The following CSNK1G1 variants were observed in gnomAD, a reference collection of about 807,000 sequenced individuals.
The protein encoded by CSNK1G1 is casein kinase I isoform gamma-1.
Under a neutral mutation model 59.6 loss-of-function variants are expected in CSNK1G1, and 22 were observed. The ratio of observed to expected loss-of-function variants is 0.37; its 90% confidence interval spans 0.26 to 0.53. The LOEUF (loss-of-function observed/expected upper bound fraction) is 0.53. CSNK1G1 is among the 20% of genes least tolerant of loss of function. The pLI, the probability that CSNK1G1 is intolerant of heterozygous loss-of-function variation, is 0.89. For missense variants in CSNK1G1, 384 were observed against 519.5 expected (o/e 0.74, Z 2.54); for synonymous variants, 179 against 177.1 (o/e 1.01, Z -0.08).
intron 4 of CSNK1G1, among the ~76,000 whole-genome samples, chr15:64,233,181 G>A (rs1233172561): frequency 6.6e-6 from 1 of 152,164 alleles, no homozygotes; most frequent in Non-Finnish European, 1.5e-5. Flanking sequence ...TTTGCAAAAT[G>A]ATGCGCTGAA....
chr15:64,219,102 G>A (rs988127905), intron 4 of CSNK1G1, among the ~76,000 whole-genome samples: 13 of 151,680 alleles, frequency 8.6e-5, no homozygotes, highest in African/African-American at 1.2e-4. Context: ...TGATCCGCCC[G>A]CCTCAGCCTC....
intron 4 of CSNK1G1, among the ~76,000 whole-genome samples, chr15:64,226,862 T>C (rs1192570736): frequency 1.3e-5 from 2 of 152,084 alleles, no homozygotes; most frequent in East Asian, 1.9e-4. Flanking sequence ...CTAGAAGGAA[T>C]GAAAAGGAAA....
chr15:64,339,665 C>T (rs751757352), intron 1 of CSNK1G1, among the ~76,000 whole-genome samples: 14 of 152,148 alleles, frequency 9.2e-5, no homozygotes, highest in South Asian at 4.1e-4. Flanking sequence ...ATTTTAGAAC[C>T]ACTAGTGTCT....
At chr15:64,189,444 T>C in intron 10 of CSNK1G1, 1 of 1,292,022 alleles carries the variant, frequency 7.7e-7, no homozygotes, top group South Asian at 1.3e-5. Flanking sequence ...GCTGAGTTGT[T>C]AACATCATAA....
intron 10 of CSNK1G1, among the ~76,000 whole-genome samples, chr15:64,180,941 G>A (rs551769433): frequency 4.2e-4 from 64 of 152,340 alleles, no homozygotes; most frequent in African/African-American, 1.5e-3. Context: ...TGTGATGGGT[G>A]AAGTCTAGTT....
intron 10 of CSNK1G1, chr15:64,189,351 C>T (rs1308314719): frequency 8.3e-7 from 1 of 1,206,042 alleles, no homozygotes; most frequent in African/African-American, 1.6e-5. Flanking sequence ...CTGCTTTTTA[C>T]ATCTGCTACT....
intron 6 of CSNK1G1, among the ~76,000 whole-genome samples, chr15:64,207,861 T>C (rs1027312885): frequency 6.6e-6 from 1 of 150,604 alleles, no homozygotes; most frequent in African/African-American, 2.5e-5. Context: ...AAACAGTGAA[T>C]TTCCACCCCT....
intron 2 of CSNK1G1, among the ~76,000 whole-genome samples, chr15:64,270,010 C>T (rs559623607): frequency 6.6e-6 from 1 of 151,710 alleles, no homozygotes; most frequent in East Asian, 1.9e-4. Flanking sequence ...TTTCGCCATA[C>T]TGGCCAGGCT....
chr15:64,208,431 T>C (rs1394964762), intron 6 of CSNK1G1, among the ~76,000 whole-genome samples: 1 of 152,224 alleles, frequency 6.6e-6, no homozygotes, highest in Non-Finnish European at 1.5e-5. Context: ...AAGGTGAAGA[T>C]GACAAAGAAC....
At chr15:64,307,244 T>G (rs1228890898) in intron 1 of CSNK1G1, among the ~76,000 whole-genome samples, 35 of 151,900 alleles carry the variant, frequency 2.3e-4, no homozygotes, top group Admixed American at 2.3e-3. Flanking sequence ...TGGAGGAGTG[T>G]TGGGGGATAT....
At chr15:64,187,952 C>G (rs2081920381) in intron 10 of CSNK1G1, among the ~76,000 whole-genome samples, 1 of 152,208 alleles carries the variant, frequency 6.6e-6, no homozygotes, top group African/African-American at 2.4e-5. Context: ...TACAAATTAA[C>G]ATTCTCAGCT....
intron 2 of CSNK1G1, among the ~76,000 whole-genome samples, chr15:64,299,318 G>A (rs1207464759): frequency 1.3e-5 from 2 of 152,096 alleles, no homozygotes; most frequent in African/African-American, 4.8e-5. Flanking sequence ...GCCGGGCGCG[G>A]TGGCTCACGC....
intron 1 of CSNK1G1, among the ~76,000 whole-genome samples, chr15:64,332,676 A>T (rs578246266): frequency 1.0e-4 from 15 of 144,222 alleles, no homozygotes; most frequent in South Asian, 4.4e-4. Context: ...AAGTATAATT[A>T]AAAATAAAAT....
chr15:64,216,419 C>T lies in CSNK1G1; in HGVS notation c.444+143G>A, dbSNP rs1227006045. The T allele has an allele frequency of 3.8e-6, 3 of 780,384 alleles. No homozygotes were observed. In the Admixed American group the frequency reaches 8.5e-5, roughly 22 times the overall value. The allele number at this position is 780,384 out of a possible 1,614,324, so 48.3% of individuals were successfully genotyped here. A position where few individuals can be genotyped will look rare whatever the true frequency, so the allele number is the denominator to read the frequency against. ...ACTTCTCTGAATTTACCCTTTTTGC[C>T]CCAGCCAGCTTCCCAGAATGCCATC... On this transcript the variant is annotated intron_variant, in intron 5 of 11. Transcript: ENST00000303052. The surrounding 1 kb of genome is among the most constrained non-coding windows in gnomAD (Gnocchi z 4.6).
At position 64,216,805 on chromosome 15, in the gene CSNK1G1, A is replaced by G; in HGVS notation, c.293-92T>C. ...ATTAGCACTGAATAAAATATTTTTA[A>G]AAGTACAATTTGTGAGATTTCCATT... On this transcript the variant is annotated intron_variant, in intron 4 of 11. Coordinates refer to ENST00000303052, the MANE Select transcript of CSNK1G1 (RefSeq NM_022048.5). The surrounding 1 kb of genome is among the most constrained non-coding windows in gnomAD (Gnocchi z 4.6). 2 of 1,198,982 alleles carry G rather than the reference A, an allele frequency of 1.7e-6. No homozygotes were observed. Among genetic ancestry groups the G allele is most frequent in the Admixed American group, 2.6e-5 (1 of 38,760 alleles). 74.3% of individuals were successfully genotyped at this position (1,198,982 alleles called of 1,614,324 possible). A position where few individuals can be genotyped will look rare whatever the true frequency, so the allele number is the denominator to read the frequency against.
intron 2 of CSNK1G1, among the ~76,000 whole-genome samples, chr15:64,291,491 G>A (rs1208574522): frequency 6.6e-6 from 1 of 152,182 alleles, no homozygotes; most frequent in Non-Finnish European, 1.5e-5. Flanking sequence ...AGAAGCCTGA[G>A]GCAGGAGAAT....
chr15:64,348,062 A>T (rs1898075489), intron 1 of CSNK1G1, among the ~76,000 whole-genome samples: 1 of 152,108 alleles, frequency 6.6e-6, no homozygotes, highest in East Asian at 1.9e-4. Flanking sequence ...GAAAAAAAAA[A>T]CAATCTTAAA....
intron 1 of CSNK1G1, among the ~76,000 whole-genome samples, chr15:64,304,787 G>C (rs1895575294): frequency 6.6e-6 from 1 of 152,138 alleles, no homozygotes; most frequent in African/African-American, 2.4e-5. Context: ...TCAAAAGAGA[G>C]ATTGCCAGGC....
intron 1 of CSNK1G1, among the ~76,000 whole-genome samples, chr15:64,304,402 A>C (rs1187246164): frequency 1.3e-5 from 2 of 151,392 alleles, no homozygotes; most frequent in Non-Finnish European, 1.5e-5. Flanking sequence ...AAAAAAAAAA[A>C]AAAGGAAAGA....
Sources: allele counts gnomAD v4.1 joint callset (sites outside exome capture counted in the v4.1 genomes callset), GRCh38; gene constraint gnomAD v4.1.1; non-coding constraint Gnocchi (gnomAD v3.1); transcripts MANE v1.5; gene names NCBI Gene and HGNC (gene_info 2026-07-23, HGNC 2026-07-21).